The following NAV2 variants were observed in gnomAD, a reference collection of about 807,000 sequenced individuals.
NAV2 encodes neuron navigator 2, also known as helicase, APC down-regulated 1.
In NAV2, 54 loss-of-function variants were observed where a neutral mutation model predicts 223.2. That is an observed-to-expected ratio of 0.24 (90% CI 0.19 to 0.30). NAV2 has a LOEUF of 0.30. Ranked by LOEUF, NAV2 falls within the 10% of genes least tolerant of loss-of-function variation. NAV2 has a pLI of 1.00. For missense variants in NAV2, 2,806 were observed against 3,147.5 expected, an observed-to-expected ratio of 0.89 and a Z score of 2.60; for synonymous variants, 1,279 against 1,239.3, an observed-to-expected ratio of 1.03 and a Z score of -0.67.
At chr11:19,349,111 C>T (rs1853150890), upstream of NAV2, among the ~76,000 whole-genome samples, 1 of 152,228 alleles carries the variant, frequency 6.6e-6, no homozygotes, top group Admixed American at 6.5e-5. Flanking sequence ...TCTATAATGT[C>T]ACCCACTCTT....
chr11:19,924,814 T>C (rs1725335956), intron 6 of NAV2, among the ~76,000 whole-genome samples: 1 of 152,134 alleles, frequency 6.6e-6, no homozygotes, highest in Non-Finnish European at 1.5e-5. Flanking sequence ...TGTGGAGAGA[T>C]CTGGTGTGGA....
At chr11:19,663,960 T>C (rs1325736997) in intron 1 of NAV2, among the ~76,000 whole-genome samples, 1 of 152,200 alleles carries the variant, frequency 6.6e-6, no homozygotes, top group Non-Finnish European at 1.5e-5. Context: ...CGCTAAGTAC[T>C]GACAAGATTC....
intron 1 of NAV2, among the ~76,000 whole-genome samples, chr11:19,402,162 AG>A (rs1849714144): frequency 6.6e-6 from 1 of 152,200 alleles, no homozygotes; most frequent in Non-Finnish European, 1.5e-5. Context: ...CCACCTCTCT[AG>A]ATGGTAGGAG....
At chr11:19,370,681 A>C (rs968785238) in intron 1 of NAV2, among the ~76,000 whole-genome samples, 5 of 152,220 alleles carry the variant, frequency 3.3e-5, no homozygotes, top group Non-Finnish European at 5.9e-5. Context: ...TCAGAGAAGG[A>C]CTGGCCAGCC....
intron 2 of NAV2, among the ~76,000 whole-genome samples, chr11:19,836,587 G>T (rs549769070): frequency 6.7e-6 from 1 of 148,208 alleles, no homozygotes; most frequent in African/African-American, 2.5e-5. Flanking sequence ...AAAAAGCTCC[G>T]ATCTGATGAA....
intron 7 of NAV2, among the ~76,000 whole-genome samples, chr11:19,937,514 T>C (rs142161816): frequency 5.3e-5 from 8 of 152,120 alleles, no homozygotes; most frequent in Non-Finnish European, 1.2e-4. Flanking sequence ...TTACTAAGAG[T>C]TGTGTGTCAC....
At chr11:19,909,966 C>T (rs1210494288) in intron 6 of NAV2, among the ~76,000 whole-genome samples, 5 of 152,072 alleles carry the variant, frequency 3.3e-5, no homozygotes, top group African/African-American at 7.2e-5. Flanking sequence ...AGACAGGGGG[C>T]ACTGAAACAG....
At chr11:19,552,949 G>T (rs760472077) in intron 1 of NAV2, among the ~76,000 whole-genome samples, 1 of 152,150 alleles carries the variant, frequency 6.6e-6, no homozygotes, top group Non-Finnish European at 1.5e-5. Flanking sequence ...TCTCAAGGCA[G>T]GGAAAGGAAC....
chr11:20,018,929 G>C (rs1057107153), intron 11 of NAV2, among the ~76,000 whole-genome samples: 1 of 152,182 alleles, frequency 6.6e-6, no homozygotes, highest in Non-Finnish European at 1.5e-5. Flanking sequence ...GGCACAGTGC[G>C]AGGGCCTAGG....
intron 1 of NAV2, among the ~76,000 whole-genome samples, chr11:19,564,760 C>G (rs993673216): frequency 6.6e-6 from 1 of 152,204 alleles, no homozygotes; most frequent in East Asian, 1.9e-4. Context: ...TCCCCAGGAG[C>G]ATGTCACAGA....
chr11:19,790,447 C>T (rs2057441525), intron 1 of NAV2, among the ~76,000 whole-genome samples: 1 of 152,104 alleles, frequency 6.6e-6, no homozygotes, highest in Admixed American at 6.5e-5. Context: ...GTCCTCAGCA[C>T]CCACGAGTTT....
intron 6 of NAV2, among the ~76,000 whole-genome samples, chr11:19,908,129 G>A (rs1314459615): frequency 3.3e-5 from 5 of 152,232 alleles, no homozygotes; most frequent in African/African-American, 1.2e-4. Flanking sequence ...TCTCATTAAG[G>A]AGCCCCTCAG....
At chr11:19,639,308 T>A (rs946667799) in intron 1 of NAV2, among the ~76,000 whole-genome samples, 6 of 152,206 alleles carry the variant, frequency 3.9e-5, no homozygotes, top group Non-Finnish European at 8.8e-5. Context: ...TAACCAGGCA[T>A]GCTTATGAAA....
At chr11:19,535,494 G>A (rs1481321730) in intron 1 of NAV2, among the ~76,000 whole-genome samples, 2 of 152,216 alleles carry the variant, frequency 1.3e-5, no homozygotes, top group African/African-American at 4.8e-5. Context: ...GGTGAGAAGG[G>A]GTGGCTTGCC....
chr11:20,114,070 G>C (rs780605952), intron 36 of NAV2, among the ~76,000 whole-genome samples: 1 of 152,174 alleles, frequency 6.6e-6, no homozygotes, highest in Non-Finnish European at 1.5e-5. Flanking sequence ...TGCAGTGTTG[G>C]TGCCCAGAAC....
At chr11:20,054,359 G>GGTA (rs1222497630) in intron 18 of NAV2, 119 bp downstream of exon 18, 1 of 983,782 alleles carries the variant, frequency 1.0e-6, no homozygotes, top group Admixed American at 3.5e-5. Flanking sequence ...TGGTTACATG[G>GGTA]GTAAGTTCTT....
intron 1 of NAV2, among the ~76,000 whole-genome samples, chr11:19,724,807 C>G (rs575195154): frequency 3.3e-5 from 5 of 152,224 alleles, no homozygotes; most frequent in Non-Finnish European, 7.3e-5. Context: ...TTCTACCCAG[C>G]CTCTTAGACC....
chr11:19,500,333 C>A (rs2042926279), intron 1 of NAV2, among the ~76,000 whole-genome samples: 1 of 152,122 alleles, frequency 6.6e-6, no homozygotes, highest in Admixed American at 6.6e-5. Flanking sequence ...GCCACACTCA[C>A]CCAAGATCAC....
At chr11:19,590,044 G>C (rs1361811255) in intron 1 of NAV2, among the ~76,000 whole-genome samples, 3 of 152,070 alleles carry the variant, frequency 2.0e-5, no homozygotes, top group Non-Finnish European at 4.4e-5. Flanking sequence ...AGCTGTGTGG[G>C]TCCCAGGCTA....
Sources: gnomAD v4.1 joint callset for allele counts (sites outside exome capture counted in the v4.1 genomes callset) on GRCh38, gnomAD v4.1.1 for gene constraint, MANE v1.5 for transcripts, NCBI Gene and HGNC (gene_info 2026-07-23, HGNC 2026-07-21) for gene names.